The following PPEF2 variants were observed in gnomAD, a reference collection of about 807,000 sequenced individuals.
The protein encoded by PPEF2 is protein phosphatase with EF-hand domain 2.
A neutral mutation model predicts 84.7 loss-of-function variants in PPEF2; 84 were observed. The observed-to-expected ratio is 0.99, with a 90% CI of 0.83 to 1.19. PPEF2 has a LOEUF of 1.19. PPEF2 is among the 50% of genes most tolerant of loss of function. PPEF2 has a pLI of 0.00. For synonymous variants in PPEF2, 346 were observed against 345.2 expected (o/e 1.00, Z -0.03); for missense variants, 924 against 937.5 (o/e 0.99, Z 0.19).
Position 75,896,508 on chromosome 4 carries a change from G to A in PPEF2, c.-58-125C>T, listed in dbSNP as rs926457207. ...CCTCTCCAGTCTAAGTGCACAAGAT[G>A]TTCCTCCCCTGAGAGTTCCCTCCAT... On this transcript the variant is annotated intron_variant, in intron 1 of 16. Coordinates refer to ENST00000286719, the MANE Select transcript of PPEF2 (RefSeq NM_006239.3). 3 of 647,832 alleles carry A rather than the reference G, an allele frequency of 4.6e-6. No homozygotes were observed. The African/African-American group carries it at 5.4e-5, about 12-fold the overall frequency. The allele number at this position is 647,832 out of a possible 1,614,324, so 40.1% of individuals were successfully genotyped here.
chr4:75,878,451 G>A (rs574789778), intron 10 of PPEF2, among the ~76,000 whole-genome samples: 6 of 152,304 alleles, frequency 3.9e-5, no homozygotes, highest in Admixed American at 2.0e-4. Flanking sequence ...ATCAAAGAAC[G>A]AGAACTTTCT....
intron 6 of PPEF2, among the ~76,000 whole-genome samples, chr4:75,887,316 G>T (rs2149224970): frequency 6.6e-6 from 1 of 152,128 alleles, no homozygotes; most frequent in Non-Finnish European, 1.5e-5. Context: ...TTCCAATGTT[G>T]AAATACCATT....
intron 11 of PPEF2, among the ~76,000 whole-genome samples, chr4:75,873,951 C>CA (rs1036473898): frequency 1.3e-5 from 2 of 151,332 alleles, no homozygotes; most frequent in African/African-American, 4.9e-5. Flanking sequence ...ACTAAAAATA[C>CA]AAAAAAATGA....
chr4:75,862,461 CAAAT>C (rs1724030015), intron 16 of PPEF2, among the ~76,000 whole-genome samples: 1 of 151,878 alleles, frequency 6.6e-6, no homozygotes, highest in Admixed American at 6.6e-5. Flanking sequence ...AATAAAAAGA[CAAAT>C]AGCCCAATTT....
rs1157572965 is a variant in PPEF2 at position 75,872,184 on chromosome 4, G to T, written c.1507-17C>A. ...TGTTAATACCTACATCAAAACAGAAGAGAGACAGGTGTTCACATTCACTGA... is the reference window on the plus strand; with the variant it reads ...TGTTAATACCTACATCAAAACAGAATAGAGACAGGTGTTCACATTCACTGA... On this transcript the variant is annotated splice_polypyrimidine_tract_variant and intron_variant, in intron 12 of 16. Coordinates refer to ENST00000286719, the MANE Select transcript of PPEF2 (RefSeq NM_006239.3). The T allele has an allele frequency of 8.1e-6, 13 of 1,609,638 alleles. No individual in the cohort carries two copies. The highest frequency in any genetic ancestry group is 1.1e-5 in the Non-Finnish European group (13 of 1,178,080).
rs1232303355 is a variant in PPEF2, at chr4:75,860,328, G to A, written c.*339C>T. The A allele has an allele frequency of 7.4e-6, 2 of 268,878 alleles. No homozygotes were observed. Among genetic ancestry groups the A allele is most frequent in the South Asian group, 5.2e-5 (1 of 19,416 alleles). 16.7% of individuals were successfully genotyped at this position (268,878 alleles called of 1,614,324 possible). A position where few individuals can be genotyped will look rare whatever the true frequency, so the allele number is the denominator to read the frequency against. ...ATGCACTCCAGCCTGGGCAACAAGA[G>A]AGAAACTCCATCTCAAAAAAACGTA... On this transcript the variant is annotated 3_prime_UTR_variant, in exon 17 of 17. Coordinates refer to ENST00000286719, the MANE Select transcript of PPEF2 (RefSeq NM_006239.3).
chr4:75,881,716 C>T (rs1231194077), intron 10 of PPEF2: 1 of 152,196 alleles, frequency 6.6e-6, no homozygotes, highest in African/African-American at 2.4e-5. Context: ...AGAAACCACA[C>T]ATTAGGGGTG....
intron 11 of PPEF2, among the ~76,000 whole-genome samples, chr4:75,874,279 A>G (rs1156399846): frequency 1.3e-5 from 2 of 151,812 alleles, no homozygotes; most frequent in African/African-American, 2.4e-5. Context: ...GGTTATTGTC[A>G]TTTAATACTT....
intron 15 of PPEF2, among the ~76,000 whole-genome samples, chr4:75,865,544 G>C (rs11097149): frequency 0.99 from 150,890 of 152,180 alleles, 74,819 homozygotes; most frequent in Middle Eastern, 1. Flanking sequence ...TGCCACCACA[G>C]CCAGCTAATT....
At chr4:75,898,271 T>G (rs1414666807) in intron 1 of PPEF2, among the ~76,000 whole-genome samples, 1 of 152,226 alleles carries the variant, frequency 6.6e-6, no homozygotes, top group Non-Finnish European at 1.5e-5. Context: ...TGCAGAGATT[T>G]TGTTTATGGC....
rs1198341644 is a variant in PPEF2, at chr4:75,883,017, G to T, written c.842C>A (p.Ala281Asp). 1.2e-6 allele frequency: 2 copies of T among 1,614,016 alleles called. No homozygotes were observed. The highest frequency in any genetic ancestry group is 2.7e-5 in the African/African-American group (2 of 74,910). ...LQDVFCWLPL[A>D]TLIDEKVLIL... ...TAGAACTTTCTCATCTATCAGAGTG[G>T]CCAGTGGAAGCCAACAGAAAACATC... Residue 281 changes from alanine to aspartate, a missense_variant, in exon 10 of 17, where the codon GCC (alanine) becomes GAC (aspartate). By Grantham distance (126) the Ala-to-Asp change is moderately radical. Transcript: ENST00000286719.
intron 4 of PPEF2, 69 bp from the exon 5 acceptor site, chr4:75,890,201 T>C (rs1271630789): frequency 1.3e-6 from 2 of 1,561,710 alleles, no homozygotes; most frequent in African/African-American, 1.4e-5. Flanking sequence ...CACTATAGAA[T>C]AGTCCTTGGC....
rs762512257 is a variant in PPEF2 at position 75,891,697 on chromosome 4, G to A, written c.192C>T (p.Asp64=). ...AGQQDQVKLH[D]FFSYLMDHFI... is the part of the protein sequence containing the mutation. The stretch of plus-strand genomic sequence containing the variant: ...AGTGATCCATGAGATAGCTGAAGAA[G>A]TCATGGAGCTGCAGAAGAACCCAAG... The change falls in exon 4 of 17, where the codon GAC becomes GAT. Residue 64 remains aspartate, a synonymous_variant. Coordinates refer to ENST00000286719, the MANE Select transcript of PPEF2 (RefSeq NM_006239.3). 3 of 1,611,788 alleles carry A rather than the reference G, an allele frequency of 1.9e-6. No individual in the cohort carries two copies. The highest frequency in any genetic ancestry group is 2.2e-5 in the East Asian group (1 of 44,880).
At chr4:75,877,697 A>G (rs185022640) in intron 10 of PPEF2, among the ~76,000 whole-genome samples, 34 of 147,866 alleles carry the variant, frequency 2.3e-4, no homozygotes, top group Non-Finnish European at 1.2e-4. Context: ...CTTTTATTTT[A>G]GGTTTGGGGG....
At chr4:75,861,669 G>A (rs1388971424) in intron 16 of PPEF2, among the ~76,000 whole-genome samples, 1 of 129,716 alleles carries the variant, frequency 7.7e-6, no homozygotes, top group East Asian at 3.4e-4. Context: ...GAGTGCAGTG[G>A]CACAATCTCA....
chr4:75,893,427 G>T (rs1323247064), intron 2 of PPEF2, among the ~76,000 whole-genome samples: 1 of 152,020 alleles, frequency 6.6e-6, no homozygotes, highest in Non-Finnish European at 1.5e-5. Context: ...GAACCTGGGA[G>T]GCAGAGGTTG....
intron 2 of PPEF2, among the ~76,000 whole-genome samples, chr4:75,895,423 G>A (rs919149331): frequency 5.0e-5 from 7 of 138,890 alleles, no homozygotes; most frequent in South Asian, 2.3e-4. Context: ...AGGGAAACTC[G>A]GTCTCAAAAA....
chr4:75,882,820 T>G, intron 10 of PPEF2, 106 bp downstream of exon 10: 1 of 1,292,556 alleles, frequency 7.7e-7, no homozygotes, highest in Non-Finnish European at 1.1e-6. Flanking sequence ...CTCCACACTC[T>G]TAACAGCCAT....
chr4:75,873,199 T>A lies in PPEF2; in HGVS notation c.1434A>T (p.Lys478Asn). The A allele has an allele frequency of 1.9e-6, 3 of 1,613,980 alleles. No homozygotes were observed. The highest frequency in any genetic ancestry group is 2.5e-6 in the Non-Finnish European group (3 of 1,179,848). Residue 478 changes from lysine (K) to asparagine (N), a missense_variant, in exon 12 of 17, where the codon AAA becomes AAT. Physicochemically the swap from Lys to Asn is moderately conservative, Grantham distance 94. Transcript: ENST00000286719. Reference protein sequence around the residue: ...GPDVTQQLLQKYNMQFLIRSH... With the variant: ...GPDVTQQLLQNYNMQFLIRSH... Reference sequence around the variant, plus strand: ...AACGGATCAGGAATTGCATGTTGTATTTTTGTAGCAACTGTTGTGTCACAT... The same window carrying A: ...AACGGATCAGGAATTGCATGTTGTAATTTTGTAGCAACTGTTGTGTCACAT...
Sources: allele counts gnomAD v4.1 joint callset (sites outside exome capture counted in the v4.1 genomes callset), GRCh38; gene constraint gnomAD v4.1.1; transcripts MANE v1.5; gene names NCBI Gene and HGNC (gene_info 2026-07-23, HGNC 2026-07-21).